The following DPP10 variants were observed in gnomAD, a reference collection of about 807,000 sequenced individuals.
The protein encoded by DPP10 is inactive dipeptidyl peptidase 10.
In DPP10, 33 loss-of-function variants were observed where a neutral mutation model predicts 120.9. The ratio of observed to expected loss-of-function variants is 0.27; its 90% confidence interval spans 0.21 to 0.37. The LOEUF is 0.37. DPP10 is among the 10% of genes least tolerant of loss of function. DPP10 has a pLI of 1.00. For missense variants in DPP10, 816 were observed against 942.8 expected (o/e 0.87, Z 1.76); for synonymous variants, 337 against 326.1 (o/e 1.03, Z -0.36).
chr2:114,814,698 A>T (rs1054630781), intron 1 of DPP10, among the ~76,000 whole-genome samples: 1 of 152,134 alleles, frequency 6.6e-6, no homozygotes, highest in African/African-American at 2.4e-5. Flanking sequence ...TAGAAAAAAA[A>T]AGCTGACTCC....
At chr2:115,052,812 C>T (rs919342982) in intron 1 of DPP10, among the ~76,000 whole-genome samples, 7 of 152,038 alleles carry the variant, frequency 4.6e-5, no homozygotes, top group African/African-American at 4.8e-5. Flanking sequence ...ATTAGCCGGA[C>T]GCGGTGGCAG....
At chr2:115,330,082 C>T (rs2062620337) in intron 2 of DPP10, among the ~76,000 whole-genome samples, 2 of 152,228 alleles carry the variant, frequency 1.3e-5, no homozygotes, top group South Asian at 4.1e-4. Context: ...TATTTCTCCA[C>T]ATCCTCTCCA....
intron 3 of DPP10, among the ~76,000 whole-genome samples, chr2:115,437,547 T>C (rs2071606098): frequency 6.6e-6 from 1 of 152,074 alleles, no homozygotes; most frequent in East Asian, 1.9e-4. Context: ...TCAACTTTAG[T>C]ATTATCTAAG....
chr2:114,661,844 A>G (rs906970327), intron 1 of DPP10, among the ~76,000 whole-genome samples: 1 of 152,154 alleles, frequency 6.6e-6, no homozygotes, highest in Non-Finnish European at 1.5e-5. Context: ...CAGCAACATC[A>G]TGAAAACGTC....
intron 5 of DPP10, among the ~76,000 whole-genome samples, chr2:115,623,260 A>G (rs898975543): frequency 6.6e-6 from 1 of 152,154 alleles, no homozygotes. Flanking sequence ...CCTTTACAGA[A>G]AAAGTTCACC....
chr2:115,261,206 C>T (rs573431367), intron 1 of DPP10, among the ~76,000 whole-genome samples: 3 of 152,246 alleles, frequency 2.0e-5, no homozygotes, highest in South Asian at 2.1e-4. Flanking sequence ...TGGAATCCGC[C>T]GGATCTATGC....
chr2:114,521,145 C>T (rs962993384), intron 1 of DPP10, among the ~76,000 whole-genome samples: 2 of 152,024 alleles, frequency 1.3e-5, no homozygotes, highest in Non-Finnish European at 2.9e-5. Flanking sequence ...AGCCTTCATA[C>T]TTTTAAGTAA....
intron 1 of DPP10, among the ~76,000 whole-genome samples, chr2:114,536,654 C>G (rs188944841): frequency 6.6e-6 from 1 of 152,260 alleles, no homozygotes; most frequent in African/African-American, 2.4e-5. Flanking sequence ...ATCCACCTGT[C>G]TCGGCCTCTT....
intron 4 of DPP10, among the ~76,000 whole-genome samples, chr2:115,513,261 T>C (rs1316387620): frequency 1.3e-5 from 2 of 151,934 alleles, no homozygotes; most frequent in African/African-American, 4.8e-5. Flanking sequence ...TTTAAACTTA[T>C]TAGTGTCTTC....
At chr2:115,459,938 T>TATATATATATATAC (rs66927327) in intron 3 of DPP10, among the ~76,000 whole-genome samples, 30 of 128,486 alleles carry the variant, frequency 2.3e-4, no homozygotes, top group Middle Eastern at 4.1e-3. Context: ...TATATATATA[T>TATATATATATATAC]ACACACACAC....
At chr2:114,523,694 G>A (rs1231611048) in intron 1 of DPP10, among the ~76,000 whole-genome samples, 2 of 152,172 alleles carry the variant, frequency 1.3e-5, no homozygotes, top group African/African-American at 4.8e-5. Context: ...AGTTGTTTCA[G>A]CATGGAGCAG....
At chr2:114,838,258 C>T (rs933646733) in intron 1 of DPP10, among the ~76,000 whole-genome samples, 8 of 152,178 alleles carry the variant, frequency 5.3e-5, no homozygotes, top group African/African-American at 1.9e-4. Flanking sequence ...GCATATGCCA[C>T]AGATTCTATA....
At chr2:115,150,975 T>A (rs538198066) in intron 1 of DPP10, among the ~76,000 whole-genome samples, 7 of 152,306 alleles carry the variant, frequency 4.6e-5, no homozygotes, top group South Asian at 4.1e-4. Context: ...CACTTTTTTT[T>A]ATTTAATGGC....
chr2:114,475,719 G>A (rs748371798), intron 1 of DPP10, among the ~76,000 whole-genome samples: 12 of 152,110 alleles, frequency 7.9e-5, no homozygotes, highest in African/African-American at 1.9e-4. Context: ...TACATCGTCC[G>A]TCTGAAAATG....
chr2:115,241,359 T>C (rs2058270409), intron 1 of DPP10, among the ~76,000 whole-genome samples: 1 of 152,222 alleles, frequency 6.6e-6, no homozygotes, highest in Admixed American at 6.5e-5. Flanking sequence ...TAGACTAATA[T>C]GTTCAGTATC....
At chr2:114,907,404 G>A (rs1694055226) in intron 1 of DPP10, among the ~76,000 whole-genome samples, 1 of 151,652 alleles carries the variant, frequency 6.6e-6, no homozygotes, top group African/African-American at 2.4e-5. Context: ...ATTTAGTTGG[G>A]ATCTTTCTCT....
At chr2:114,838,197 C>G (rs945080566) in intron 1 of DPP10, among the ~76,000 whole-genome samples, 3 of 152,194 alleles carry the variant, frequency 2.0e-5, no homozygotes, top group Admixed American at 2.0e-4. Context: ...GCATCCTAAC[C>G]TCAAGGAAAA....
At chr2:114,641,534 A>T (rs1444457578) in intron 1 of DPP10, among the ~76,000 whole-genome samples, 2 of 151,986 alleles carry the variant, frequency 1.3e-5, no homozygotes, top group Non-Finnish European at 2.9e-5. Flanking sequence ...TAGAAAATAC[A>T]ATTATACATT....
At chr2:114,798,862 C>T (rs10174376) in intron 1 of DPP10, among the ~76,000 whole-genome samples, 83,427 of 152,050 alleles carry the variant, frequency 0.55, 23,201 homozygotes, top group East Asian at 0.77. Flanking sequence ...GGCATGGTTG[C>T]TCACGCCTGT....
Sources: allele counts gnomAD v4.1 joint callset (sites outside exome capture counted in the v4.1 genomes callset), GRCh38; gene constraint gnomAD v4.1.1; transcripts MANE v1.5; gene names NCBI Gene and HGNC (gene_info 2026-07-23, HGNC 2026-07-21).